Variants in LIMS1 observed in about 807,000 individuals in gnomAD.
The protein encoded by LIMS1 is LIM zinc finger domain containing 1, also known as LIM and senescent cell antigen-like-containing domain protein 1.
In LIMS1, 18 loss-of-function variants were observed where a neutral mutation model predicts 44.1. That is an observed-to-expected ratio of 0.41 (90% CI 0.28 to 0.61). The LOEUF (loss-of-function observed/expected upper bound fraction) is 0.61. LIMS1 is among the 20% of genes least tolerant of loss of function. The pLI is 0.32. For synonymous variants in LIMS1, 93 were observed against 149.1 expected (o/e 0.62, Z 2.74); for missense variants, 201 against 422.0 (o/e 0.48, Z 4.59).
chr2:108,588,303 C>T (rs1040748583), intron 1 of LIMS1: 2 of 984,030 alleles, frequency 2.0e-6, no homozygotes, highest in Non-Finnish European at 2.4e-6. Flanking sequence ...GTTTCATTGG[C>T]TCAAATATAG....
At chr2:108,606,809 G>C (rs995637777) in intron 1 of LIMS1, among the ~76,000 whole-genome samples, 1 of 152,216 alleles carries the variant, frequency 6.6e-6, no homozygotes, top group African/African-American at 2.4e-5. Flanking sequence ...GAGGCTGGAG[G>C]TTCATCCACA....
At chr2:108,681,466 T>A in intron 9 of LIMS1, 2 of 976,308 alleles carry the variant, frequency 2.0e-6, no homozygotes, top group Non-Finnish European at 2.4e-6. Flanking sequence ...AATTCTAATC[T>A]CTTAATAGAC....
At chr2:108,540,814 C>T (rs1050631293) in intron 1 of LIMS1, among the ~76,000 whole-genome samples, 3 of 152,096 alleles carry the variant, frequency 2.0e-5, no homozygotes, top group Non-Finnish European at 2.9e-5. Flanking sequence ...GAATACAGCC[C>T]AAGATGTGGT....
chr2:108,588,613 A>G (rs1686216788), intron 1 of LIMS1: 2 of 985,324 alleles, frequency 2.0e-6, no homozygotes, highest in Non-Finnish European at 2.4e-6. Flanking sequence ...GATTGCCTAA[A>G]TCAGCCAAAC....
chr2:108,566,968 A>G (rs889675425), intron 1 of LIMS1, among the ~76,000 whole-genome samples: 30 of 152,184 alleles, frequency 2.0e-4, no homozygotes, highest in Admixed American at 1.9e-3. Flanking sequence ...ATAGCTCTCC[A>G]GAACTTTTTC....
intron 1 of LIMS1, among the ~76,000 whole-genome samples, chr2:108,616,197 C>CTTTTTTTT (rs1159229290): frequency 1.3e-4 from 9 of 71,938 alleles, no homozygotes; most frequent in Non-Finnish European, 1.7e-4. Context: ...TTTGCATGGG[C>CTTTTTTTT]TTTTTTTTTT....
chr2:108,609,573 T>C (rs1687475458), intron 1 of LIMS1, among the ~76,000 whole-genome samples: 1 of 152,166 alleles, frequency 6.6e-6, no homozygotes, highest in South Asian at 2.1e-4. Flanking sequence ...TAGAATATTC[T>C]CTCCTCCCTT....
At chr2:108,587,460 A>G (rs1686165292) in intron 1 of LIMS1, among the ~76,000 whole-genome samples, 1 of 151,840 alleles carries the variant, frequency 6.6e-6, no homozygotes, top group African/African-American at 2.4e-5. Flanking sequence ...GGCCTCCCAG[A>G]GCACTGAGAT....
chr2:108,594,301 C>T (rs1267085242), intron 1 of LIMS1, among the ~76,000 whole-genome samples: 2 of 152,138 alleles, frequency 1.3e-5, no homozygotes, highest in African/African-American at 2.4e-5. Context: ...GGAATCCAGA[C>T]GTTCCATGAC....
At chr2:108,612,515 T>C (rs1687712510) in intron 1 of LIMS1, among the ~76,000 whole-genome samples, 1 of 151,976 alleles carries the variant, frequency 6.6e-6, no homozygotes, top group Admixed American at 6.6e-5. Context: ...AATAATTCCA[T>C]GTACTCTAAA....
rs1692688828 is a variant in LIMS1, at chr2:108,678,029, T to C, written c.823+2T>C. 1 of 1,604,402 alleles carries C rather than the reference T, an allele frequency of 6.2e-7. No homozygotes were observed. Among genetic ancestry groups the C allele is most frequent in the Non-Finnish European group, 8.5e-7 (1 of 1,178,358 alleles). ...GCAATCGTGTTATAGAAGGTGATGG[T>C]AAGTATCTGTGTGAGTTTTAGATTG... On this transcript the variant is annotated splice_donor_variant, in intron 8 of 9. Coordinates refer to ENST00000544547, the Ensembl canonical transcript of LIMS1. LOFTEE classifies it high-confidence loss of function.
chr2:108,552,805 T>C (rs1446647988), intron 1 of LIMS1, among the ~76,000 whole-genome samples: 1 of 152,036 alleles, frequency 6.6e-6, no homozygotes, highest in Non-Finnish European at 1.5e-5. Context: ...CTGGAACTCC[T>C]GGCCTCAAGC....
rs576264336 is a variant in LIMS1 at position 108,597,433 on chromosome 2, G to A, written c.33-62172G>A. On this transcript the variant is annotated intron_variant, in intron 1 of 9. Coordinates refer to ENST00000544547, the Ensembl canonical transcript of LIMS1. ...TTTTTTTGGATAGAAGAGTTAAAAT[G>A]TTGTGAATTCTTGATAAATTGAATA... 7.1e-3 allele frequency among the ~76,000 whole-genome samples: 1,075 copies of A among 152,270 alleles called. 15 individuals are homozygous for A. Among genetic ancestry groups the A allele is most frequent in the African/African-American group, 0.025 (1,033 of 41,542 alleles).
At chr2:108,559,997 C>G (rs574867033) in intron 1 of LIMS1, among the ~76,000 whole-genome samples, 1 of 152,110 alleles carries the variant, frequency 6.6e-6, no homozygotes, top group East Asian at 1.9e-4. Context: ...TTGGAGCATC[C>G]TTTGCTCCCT....
In LIMS1 at chr2:108,681,890, C is replaced by CA. The variant is rs1168776329; in HGVS notation, c.899+1135dup. ...TGGGCGACAGAGTGAGACTCTGTCT[C>CA]AAAAAAAAAAAAAAATCTTTCAGCA... On this transcript the variant is annotated intron_variant, in intron 9 of 9. Transcript: ENST00000544547. 3.3e-3 allele frequency among the ~76,000 whole-genome samples: 398 copies of CA among 122,182 alleles called. 2 individuals are homozygous for CA. The highest frequency in any genetic ancestry group is 9.6e-3 in the African/African-American group (311 of 32,478). The allele number at this position is 122,182 out of a possible 152,430, so 80.2% of individuals were successfully genotyped here. A position where few individuals can be genotyped will look rare whatever the true frequency, so the allele number is the denominator to read the frequency against.
intron 1 of LIMS1, among the ~76,000 whole-genome samples, chr2:108,619,702 A>G (rs1256817076): frequency 6.8e-6 from 1 of 146,762 alleles, no homozygotes; most frequent in Non-Finnish European, 1.5e-5. Flanking sequence ...AAACAAAACA[A>G]AACAAAAAGA....
chr2:108,551,313 T>A (rs866968999), intron 1 of LIMS1, among the ~76,000 whole-genome samples: 2 of 147,304 alleles, frequency 1.4e-5, no homozygotes, highest in African/African-American at 4.9e-5. Context: ...AAATATATAT[T>A]TTTATATAAT....
intron 1 of LIMS1, among the ~76,000 whole-genome samples, chr2:108,652,844 G>A (rs1446013660): frequency 6.6e-6 from 1 of 151,960 alleles, no homozygotes; most frequent in Non-Finnish European, 1.5e-5. Flanking sequence ...GCCTGCCTCT[G>A]TCCCCATCCA....
At chr2:108,550,430 C>T (rs1345486580) in intron 1 of LIMS1, among the ~76,000 whole-genome samples, 4 of 151,578 alleles carry the variant, frequency 2.6e-5, no homozygotes, top group South Asian at 2.1e-4. Context: ...ACCTGGGAGG[C>T]GGAGCTTGCA....
Sources: allele counts gnomAD v4.1 joint callset (sites outside exome capture counted in the v4.1 genomes callset), GRCh38; gene constraint gnomAD v4.1.1; transcripts MANE v1.5; gene names NCBI Gene and HGNC (gene_info 2026-07-23, HGNC 2026-07-21).